The following TNS1 variants were observed in gnomAD, a reference collection of about 807,000 sequenced individuals.
TNS1 encodes tensin-1.
TNS1 carries 62 observed loss-of-function variants against 168.6 expected under a neutral mutation model. That is an observed-to-expected ratio of 0.37 (90% confidence interval 0.30 to 0.45). TNS1 has a LOEUF of 0.45. Among genes scored for constraint, TNS1 ranks in the 20% least tolerant of loss-of-function variants. The pLI, the probability that TNS1 is intolerant of heterozygous loss-of-function variation, is 1.00. For missense variants in TNS1, 2,240 were observed against 2,339.4 expected, an observed-to-expected ratio of 0.96 and a Z score of 0.88; for synonymous variants, 934 against 933.2, an observed-to-expected ratio of 1.00 and a Z score of -0.02.
chr2:217,959,265 T>G (rs1172696761), intron 3 of TNS1, among the ~76,000 whole-genome samples: 2 of 152,234 alleles, frequency 1.3e-5, no homozygotes, highest in Non-Finnish European at 1.5e-5. Flanking sequence ...TTTGAAGAAT[T>G]TATTGACACA....
intron 1 of TNS1, among the ~76,000 whole-genome samples, chr2:217,991,831 T>G (rs541540449): frequency 6.6e-6 from 1 of 151,834 alleles, no homozygotes; most frequent in Non-Finnish European, 1.5e-5. Context: ...TCTTTATTTT[T>G]ATTTTCAATT....
intron 14 of TNS1, 37 bp from the exon 15 acceptor site, chr2:217,885,856 C>T (rs190845545): frequency 1.2e-6 from 2 of 1,608,820 alleles, no homozygotes; most frequent in East Asian, 2.2e-5. Flanking sequence ...GAGTGGGCTG[C>T]TGGAGGGGAG....
chr2:218,023,771 G>T (rs1201452579), intron 1 of TNS1, among the ~76,000 whole-genome samples: 2 of 152,184 alleles, frequency 1.3e-5, no homozygotes, highest in East Asian at 3.8e-4. Flanking sequence ...CCCTGGTCAG[G>T]TCCATGCTTT....
chr2:217,812,828 G>A (rs113873080), intron 27 of TNS1, among the ~76,000 whole-genome samples: 3 of 152,106 alleles, frequency 2.0e-5, no homozygotes, highest in Admixed American at 6.5e-5. Context: ...GATGACTCTC[G>A]TTTTTTCATG....
chr2:217,819,881 C>G (rs1474000209), intron 23 of TNS1, among the ~76,000 whole-genome samples: 1 of 152,194 alleles, frequency 6.6e-6, no homozygotes, highest in Non-Finnish European at 1.5e-5. Flanking sequence ...AAACCTGGAG[C>G]TGCAGGCTGG....
In TNS1 at chr2:217,848,255, C is replaced by T. The variant is rs777058907; in HGVS notation, c.2262G>A (p.Leu754=). The change falls in exon 19 of 33, where the codon CTG becomes CTA. Residue 754 remains leucine (L), a synonymous_variant. Coordinates refer to ENST00000682258, the MANE Select transcript of TNS1 (RefSeq NM_001387777.1). ...TTCCCCCTCGGACCGGAGCTGGGGG[C>T]AGCTGGGGTTCAGCTTCCGAAAAGG... ...SQSFSEAEPQ[L]PPAPVRGGSS... 4 of 1,555,900 alleles carry T rather than the reference C, an allele frequency of 2.6e-6. No homozygotes were observed. Among genetic ancestry groups the T allele is most frequent in the Non-Finnish European group, 3.5e-6 (4 of 1,150,822 alleles).
intron 18 of TNS1, chr2:217,879,422 G>T (rs781452799): frequency 2.2e-6 from 1 of 454,220 alleles, no homozygotes; most frequent in South Asian, 1.6e-5. Flanking sequence ...GCCGCTCAGC[G>T]CCCGGGGATG....
At chr2:218,026,291 T>G (rs1372308088) in intron 1 of TNS1, among the ~76,000 whole-genome samples, 1 of 152,184 alleles carries the variant, frequency 6.6e-6, no homozygotes, top group Non-Finnish European at 1.5e-5. Flanking sequence ...CTTGTACACC[T>G]ACTCCCTTAC....
At chr2:217,898,447 C>T (rs1952555149) in intron 7 of TNS1, among the ~76,000 whole-genome samples, 1 of 152,228 alleles carries the variant, frequency 6.6e-6, no homozygotes, top group Non-Finnish European at 1.5e-5. Context: ...TTCCCACTGC[C>T]CGCCCCTAGC....
intron 5 of TNS1, 97 bp downstream of exon 5, chr2:217,907,113 A>G (rs760389542): frequency 2.9e-6 from 2 of 680,442 alleles, no homozygotes; most frequent in Non-Finnish European, 2.7e-6. Flanking sequence ...CCCCAACCAC[A>G]TCTGTCCACT....
chr2:217,883,510 C>T (rs959485959), intron 16 of TNS1, among the ~76,000 whole-genome samples: 1 of 152,190 alleles, frequency 6.6e-6, no homozygotes, highest in Admixed American at 6.5e-5. Context: ...AGCAATCCTC[C>T]CGCCTTGGCC....
At chr2:217,829,734 CTGA>C in intron 22 of TNS1, 1 of 1,311,756 alleles carries the variant, frequency 7.6e-7, no homozygotes, top group Admixed American at 1.7e-5. Flanking sequence ...GCCTGGTCGC[CTGA>C]GTCCCAGTGA....
intron 19 of TNS1, chr2:217,841,393 C>T (rs1945938450): frequency 1.6e-5 from 6 of 374,488 alleles, no homozygotes; most frequent in Non-Finnish European, 2.2e-5. Context: ...AACAGATGGA[C>T]ATGGGAAACA....
At chr2:217,989,270 G>A (rs997745626) in intron 2 of TNS1, among the ~76,000 whole-genome samples, 2 of 152,216 alleles carry the variant, frequency 1.3e-5, no homozygotes, top group African/African-American at 4.8e-5. Context: ...TTTAAGCCAG[G>A]AGCTGACATA....
At chr2:217,985,612 G>C (rs1958176700) in intron 2 of TNS1, 1 of 151,938 alleles carries the variant, frequency 6.6e-6, no homozygotes, top group Admixed American at 6.6e-5. Context: ...AGTAGAGATG[G>C]GGTTTCTCCA....
Position 217,906,534 on chromosome 2 carries a change from T to C in TNS1, c.271-149A>G, listed in dbSNP as rs893454338. ...TCTTTGTTTCACATTTCTTTGCCCA[T>C]ATCAAGGCCCCCTCAGAACTAACCA... On this transcript the variant is annotated intron_variant, in intron 5 of 32. Coordinates refer to ENST00000682258, the MANE Select transcript of TNS1 (RefSeq NM_001387777.1). 1.1e-5 allele frequency: 7 copies of C among 634,018 alleles called. No individual in the cohort carries two copies. The African/African-American group carries it at 1.3e-4, about 11-fold the overall frequency. 39.3% of individuals were successfully genotyped at this position (634,018 alleles called of 1,614,324 possible). A position where few individuals can be genotyped will look rare whatever the true frequency, so the allele number is the denominator to read the frequency against.
chr2:217,860,315 C>A (rs562932700), intron 18 of TNS1, among the ~76,000 whole-genome samples: 2 of 152,284 alleles, frequency 1.3e-5, no homozygotes, highest in African/African-American at 4.8e-5. Flanking sequence ...GCCCTGTACC[C>A]TGGCCACTGA....
intron 18 of TNS1, among the ~76,000 whole-genome samples, chr2:217,860,031 G>A (rs539980886): frequency 1.3e-5 from 2 of 152,290 alleles, no homozygotes; most frequent in South Asian, 4.2e-4. Flanking sequence ...CCATGCAGAG[G>A]GCCCCAGTTA....
At chr2:217,836,706 C>T (rs1477624083) in intron 19 of TNS1, among the ~76,000 whole-genome samples, 7 of 152,288 alleles carry the variant, frequency 4.6e-5, no homozygotes, top group South Asian at 2.1e-4. Flanking sequence ...AGCCTTGTTA[C>T]GAAGTCCCCA....
Sources: gnomAD v4.1 joint callset for allele counts (sites outside exome capture counted in the v4.1 genomes callset) on GRCh38, gnomAD v4.1.1 for gene constraint, MANE v1.5 for transcripts, NCBI Gene and HGNC (gene_info 2026-07-23, HGNC 2026-07-21) for gene names.